The following NR1H3 variants were observed in gnomAD, a reference collection of about 807,000 sequenced individuals.
NR1H3 encodes oxysterols receptor LXR-alpha.
Under a neutral mutation model 48.1 loss-of-function variants are expected in NR1H3, and 19 were observed. The ratio of observed to expected loss-of-function variants is 0.40; its 90% CI spans 0.28 to 0.58. NR1H3 has a LOEUF of 0.58. NR1H3 is among the 20% of genes least tolerant of loss of function. The pLI is 0.50. For synonymous variants in NR1H3, 232 were observed against 227.3 expected (o/e 1.02, Z -0.19); for missense variants, 486 against 595.9 (o/e 0.82, Z 1.92).
chr11:47,265,018 G>C (rs1479224168), intron 7 of NR1H3, among the ~76,000 whole-genome samples: 1 of 152,164 alleles, frequency 6.6e-6, no homozygotes, highest in Non-Finnish European at 1.5e-5. Context: ...TTGCCGCCGG[G>C]CGTGGTGGCT....
intron 7 of NR1H3, among the ~76,000 whole-genome samples, chr11:47,267,273 C>T (rs890083118): frequency 3.3e-5 from 5 of 152,076 alleles, no homozygotes; most frequent in African/African-American, 1.2e-4. Context: ...TGCCACTGCA[C>T]TCCAGTCTGG....
chr11:47,248,999 G>C (rs942966130), exon 1 of NR1H3: 277 of 1,486,358 alleles, frequency 1.9e-4, no homozygotes, highest in Non-Finnish European at 3.0e-5. Context: ...AGCATAAGAA[G>C]GTAACGCGAC....
At chr11:47,248,738 G>C, upstream of NR1H3, 1 of 1,610,326 alleles carries the variant, frequency 6.2e-7, no homozygotes, top group Non-Finnish European at 8.5e-7. Flanking sequence ...TTCACGCCGA[G>C]AAGGAGCTGG....
intron 2 of NR1H3, 23 bp from the exon 3 acceptor site, chr11:47,259,768 T>C (rs1297280081): frequency 1.2e-6 from 2 of 1,611,764 alleles, no homozygotes; most frequent in South Asian, 2.2e-5. Context: ...GAGACCCCCT[T>C]GTGCCTCTCT....
At chr11:47,258,342 G>C (rs1321932156) in intron 1 of NR1H3, 2 of 348,296 alleles carry the variant, frequency 5.7e-6, no homozygotes, top group Non-Finnish European at 8.1e-6. Context: ...GAGATTCTTG[G>C]AGACAGGTTT....
chr11:47,260,527 C>G lies in NR1H3; in HGVS notation c.351C>G (p.Gly117=). 1.2e-6 allele frequency: 2 copies of G among 1,614,260 alleles called. No individual in the cohort carries two copies. The highest frequency in any genetic ancestry group is 1.1e-5 in the South Asian group (1 of 91,084). Residue 117 remains glycine, a synonymous_variant, in exon 4 of 10, where the codon GGC becomes GGG. Transcript: ENST00000441012. The part of the protein sequence containing the change: ...GFHYNVLSCE[G]CKGFFRRSVI... ...ACTACAATGTTCTGAGCTGCGAGGG[C>G]TGCAAGGGATTCTTCCGCCGCAGCG...
intron 7 of NR1H3, among the ~76,000 whole-genome samples, chr11:47,265,837 A>C (rs1257032872): frequency 6.6e-6 from 1 of 152,194 alleles, no homozygotes; most frequent in Non-Finnish European, 1.5e-5. Context: ...ATGCAACTGC[A>C]CTCTAGTCTG....
chr11:47,262,071 TTTTA>T (rs2135650462), intron 7 of NR1H3, 53 bp downstream of exon 7: 2 of 1,331,166 alleles, frequency 1.5e-6, no homozygotes, highest in African/African-American at 2.9e-5. Context: ...ATGCTTCTTT[TTTTA>T]TTTTTTATTT....
chr11:47,259,076 C>T, intron 1 of NR1H3, 104 bp from the exon 2 acceptor site: 1 of 1,562,008 alleles, frequency 6.4e-7, no homozygotes, highest in East Asian at 2.3e-5. Flanking sequence ...TAAATGTTAG[C>T]TGATATTGTT....
upstream of NR1H3, among the ~76,000 whole-genome samples, chr11:47,256,724 A>C (rs1415206192): frequency 6.7e-6 from 1 of 150,094 alleles, no homozygotes; most frequent in Admixed American, 6.6e-5. Flanking sequence ...AGACGAGAAT[A>C]ATATTTCTTT....
chr11:47,260,906 G>T (rs1691686601), intron 4 of NR1H3, among the ~76,000 whole-genome samples: 1 of 152,062 alleles, frequency 6.6e-6, no homozygotes, highest in African/African-American at 2.4e-5. Context: ...CCAACATAGT[G>T]AAACCCCGAC....
upstream of NR1H3, chr11:47,248,712 C>T: frequency 2.5e-6 from 4 of 1,611,926 alleles, no homozygotes; most frequent in Admixed American, 1.7e-5. Flanking sequence ...CCCGGGTGGG[C>T]GGCATCACCA....
rs367675688 is a variant in NR1H3 at position 47,268,330 on chromosome 11, C to G, written c.1172C>G (p.Ala391Gly). Reference sequence around the variant, plus strand: ...CACACATATGTGGAAGCCCTGCATGCCTACGTCTCCATCCACCATCCCCAT... The same window carrying G: ...CACACATATGTGGAAGCCCTGCATGGCTACGTCTCCATCCACCATCCCCAT... ...LQHTYVEALH[A>G]YVSIHHPHDR... is the part of the protein sequence containing the mutation. Residue 391 changes from alanine (A) to glycine (G), a missense_variant, in exon 9 of 10, where the codon GCC (alanine) becomes GGC (glycine). Ala to Gly is a moderately conservative substitution (Grantham distance 60, BLOSUM62 0). Coordinates refer to ENST00000441012, the MANE Select transcript of NR1H3 (RefSeq NM_005693.4). The G allele has an allele frequency of 6.2e-7, 1 of 1,614,138 alleles. No individual in the cohort carries two copies. Among genetic ancestry groups the G allele is most frequent in the Non-Finnish European group, 8.5e-7 (1 of 1,180,002 alleles).
At chr11:47,254,398 G>C (rs1462410753), upstream of NR1H3, among the ~76,000 whole-genome samples, 2 of 152,212 alleles carry the variant, frequency 1.3e-5, no homozygotes, top group Non-Finnish European at 2.9e-5. Context: ...GTAGAGGAGG[G>C]AGCTGGACTG....
intron 1 of NR1H3, among the ~76,000 whole-genome samples, chr11:47,249,969 G>T (rs373579127): frequency 8.6e-5 from 13 of 151,882 alleles, no homozygotes; most frequent in Admixed American, 1.3e-4. Context: ...GTGCAGTGGC[G>T]TGCTCCTGTA....
chr11:47,253,306 AG>A (rs1954822210), upstream of NR1H3, among the ~76,000 whole-genome samples: 1 of 152,180 alleles, frequency 6.6e-6, no homozygotes, highest in Non-Finnish European at 1.5e-5. Flanking sequence ...GCCCCTTGCT[AG>A]TAACTATCTC....
Position 47,268,373 on chromosome 11 carries a change from G to T in NR1H3, c.1197+18G>T, listed in dbSNP as rs2135744120. On this transcript the variant is annotated intron_variant, in intron 9 of 9. Transcript: ENST00000441012. Reference sequence around the variant, plus strand: ...ATCCCCATGTGAGTCTCCCCATGGTGTTCCTTTTCCTCCTTCCCACACACA... The same window carrying T: ...ATCCCCATGTGAGTCTCCCCATGGTTTTCCTTTTCCTCCTTCCCACACACA... 1 of 1,612,478 alleles carries T rather than the reference G, an allele frequency of 6.2e-7. No homozygotes were observed.
chr11:47,248,349 G>C (rs1330761600), upstream of NR1H3: 1 of 1,258,498 alleles, frequency 7.9e-7, no homozygotes, highest in Non-Finnish European at 1.1e-6. Flanking sequence ...GCAAAGCCAA[G>C]GTACAGGTAG....
chr11:47,248,512 C>T, upstream of NR1H3: 2 of 1,551,234 alleles, frequency 1.3e-6, no homozygotes, highest in African/African-American at 1.4e-5. Context: ...TCCTGACTCC[C>T]ATAAGCCAGG....
Sources: gnomAD v4.1 joint callset for allele counts (sites outside exome capture counted in the v4.1 genomes callset) on GRCh38, gnomAD v4.1.1 for gene constraint, MANE v1.5 for transcripts, NCBI Gene and HGNC (gene_info 2026-07-23, HGNC 2026-07-21) for gene names.